The following USP47 variants were observed in gnomAD, a reference collection of about 807,000 sequenced individuals.
The protein encoded by USP47 is ubiquitin carboxyl-terminal hydrolase 47.
A neutral mutation model predicts 165.1 loss-of-function variants in USP47; 35 were observed. The observed-to-expected ratio is 0.21, with a 90% CI of 0.16 to 0.28. The LOEUF (loss-of-function observed/expected upper bound fraction) is 0.28. Ranked by LOEUF, USP47 falls within the 10% of genes least tolerant of loss-of-function variation. USP47 has a pLI of 1.00. For missense variants in USP47, 1,277 were observed against 1,607.4 expected, an observed-to-expected ratio of 0.79 and a Z score of 3.52; for synonymous variants, 531 against 544.5, an observed-to-expected ratio of 0.98 and a Z score of 0.35.
chr11:11,905,193 GTT>G (rs951567448), intron 7 of USP47, among the ~76,000 whole-genome samples: 3 of 149,616 alleles, frequency 2.0e-5, no homozygotes, highest in Admixed American at 6.6e-5. Flanking sequence ...TATTTGTGTT[GTT>G]TTGATTTTTT....
chr11:11,883,783 T>C (rs1564863516), intron 2 of USP47, among the ~76,000 whole-genome samples: 1 of 152,152 alleles, frequency 6.6e-6, no homozygotes, highest in Non-Finnish European at 1.5e-5. Flanking sequence ...TGCCCTACCA[T>C]ATAAGTTAGG....
intron 3 of USP47, among the ~76,000 whole-genome samples, chr11:11,885,890 GCTGCCATCT>G (rs558717426): frequency 9.2e-5 from 14 of 152,272 alleles, no homozygotes; most frequent in Admixed American, 9.2e-4. Context: ...GAAGGAGCAG[GCTGCCATCT>G]TTGCTGTTTC....
intron 7 of USP47, among the ~76,000 whole-genome samples, chr11:11,904,221 A>G (rs1852402826): frequency 6.6e-6 from 1 of 152,190 alleles, no homozygotes; most frequent in Admixed American, 6.5e-5. Context: ...TTTGAAAAAC[A>G]CTGGTTTGAA....
chr11:11,918,129 C>T (rs1198362220), intron 8 of USP47, among the ~76,000 whole-genome samples: 2 of 152,058 alleles, frequency 1.3e-5, no homozygotes, highest in Non-Finnish European at 2.9e-5. Flanking sequence ...TACATCATGG[C>T]CTGTGACTAT....
chr11:11,888,333 A>G (rs1851296398), intron 3 of USP47, among the ~76,000 whole-genome samples: 1 of 152,072 alleles, frequency 6.6e-6, no homozygotes. Context: ...GACTAATAAG[A>G]AAAGAGAAGA....
intron 8 of USP47, among the ~76,000 whole-genome samples, chr11:11,910,456 C>T (rs751223256): frequency 6.6e-6 from 1 of 152,106 alleles, no homozygotes; most frequent in Non-Finnish European, 1.5e-5. Context: ...CCAAACACCA[C>T]AGAAAGAAAA....
chr11:11,902,933 C>A, intron 6 of USP47, 73 bp downstream of exon 6: 2 of 1,400,064 alleles, frequency 1.4e-6, no homozygotes, highest in Non-Finnish European at 1.9e-6. Flanking sequence ...ATTACAAACA[C>A]ATTACACATA....
chr11:11,911,815 G>A (rs947893342), intron 8 of USP47, among the ~76,000 whole-genome samples: 6 of 151,976 alleles, frequency 3.9e-5, no homozygotes, highest in African/African-American at 1.2e-4. Context: ...TCCTTTTCAA[G>A]TATCCATTAA....
chr11:11,860,750 G>C (rs931076094), intron 1 of USP47, among the ~76,000 whole-genome samples: 3 of 152,128 alleles, frequency 2.0e-5, no homozygotes, highest in Non-Finnish European at 4.4e-5. Flanking sequence ...AGTAAAGGAC[G>C]TATTATTTCG....
chr11:11,947,563 G>A (rs1855924950), intron 20 of USP47, among the ~76,000 whole-genome samples: 1 of 152,188 alleles, frequency 6.6e-6, no homozygotes, highest in Non-Finnish European at 1.5e-5. Context: ...ATGGAGGTAC[G>A]GAGGCTGGCG....
chr11:11,842,391 G>A (rs1045424505), intron 1 of USP47, among the ~76,000 whole-genome samples, 167 bp downstream of exon 1: 2 of 151,948 alleles, frequency 1.3e-5, no homozygotes, highest in African/African-American at 4.8e-5. Flanking sequence ...CGAGCAGTTG[G>A]GAGACCCGCT....
At chr11:11,902,935 T>C in intron 6 of USP47, 75 bp downstream of exon 6, 1 of 1,383,558 alleles carries the variant, frequency 7.2e-7, no homozygotes, top group Non-Finnish European at 9.6e-7. Flanking sequence ...TACAAACACA[T>C]TACACATAAT....
intron 3 of USP47, chr11:11,884,794 G>A (rs986093458): frequency 3.5e-5 from 15 of 424,358 alleles, no homozygotes; most frequent in East Asian, 8.5e-5. Context: ...GTCTGTTGCC[G>A]CCTTGGATTT....
chr11:11,928,066 C>T (rs1369410053), intron 11 of USP47, among the ~76,000 whole-genome samples: 1 of 151,908 alleles, frequency 6.6e-6, no homozygotes, highest in Non-Finnish European at 1.5e-5. Flanking sequence ...ATTATGTTGG[C>T]TTTGATCATT....
rs1850231452 is a variant in USP47 at position 11,873,920 on chromosome 11, G to A, written c.40-6257G>A. On this transcript the variant is annotated intron_variant, in intron 1 of 27. Coordinates refer to ENST00000527733, the MANE Select transcript of USP47 (RefSeq NM_001282659.2). ...CAGCAGAGCAAGTAACAGCATGTTA[G>A]TATTTTTATTTAATATCAAGGCATG... 2.9e-6 allele frequency: 3 copies of A among 1,020,434 alleles called. No individual in the cohort carries two copies. In the South Asian group the frequency reaches 6.0e-5, roughly 20 times the overall value. The allele number at this position is 1,020,434 out of a possible 1,614,324, so 63.2% of individuals were successfully genotyped here. A position where few individuals can be genotyped will look rare whatever the true frequency, so the allele number is the denominator to read the frequency against.
At chr11:11,853,055 T>C (rs1848813988) in intron 1 of USP47, among the ~76,000 whole-genome samples, 2 of 152,292 alleles carry the variant, frequency 1.3e-5, no homozygotes, top group Admixed American at 1.3e-4. Flanking sequence ...TTTTTTGGAT[T>C]AGTCATATAG....
chr11:11,842,177 G>C lies in USP47; in HGVS notation c.-9G>C. ...CCGGCAGGGCGGAGAGGAGCGGCCG[G>C]AGTCAGCGATGGTGCCCGGCGAGGA... is the stretch of plus-strand genomic sequence containing the variant. On this transcript the variant is annotated 5_prime_UTR_variant, in exon 1 of 28. Transcript: ENST00000527733. The C allele has an allele frequency of 6.4e-7, 1 of 1,552,998 alleles. No homozygotes were observed. Among genetic ancestry groups the C allele is most frequent in the African/African-American group, 1.4e-5 (1 of 73,396 alleles).
chr11:11,942,745 G>A lies in USP47; in HGVS notation c.2724G>A (p.Gln908=), dbSNP rs552195741. ...SASVDNRELE[Q]HIQTSDPENF... ...CAGTGGATAATAGAGAACTTGAACA[G>A]CATATTCAGACTTCTGATCCAGAAA... is the stretch of plus-strand genomic sequence containing the variant. Residue 908 remains glutamine, a synonymous_variant, in exon 20 of 28, where the codon CAG becomes CAA. Coordinates refer to ENST00000527733, the MANE Select transcript of USP47 (RefSeq NM_001282659.2). 7 of 1,613,588 alleles carry A rather than the reference G, an allele frequency of 4.3e-6. No individual in the cohort carries two copies. In the Admixed American group the frequency reaches 1.2e-4, roughly 27 times the overall value.
chr11:11,882,355 T>G (rs1056112254), intron 2 of USP47, among the ~76,000 whole-genome samples: 6 of 152,192 alleles, frequency 3.9e-5, no homozygotes, highest in Non-Finnish European at 7.3e-5. Context: ...TTTAAGTTGG[T>G]CCCACAGGAG....
Sources: gnomAD v4.1 joint callset for allele counts (sites outside exome capture counted in the v4.1 genomes callset) on GRCh38, gnomAD v4.1.1 for gene constraint, MANE v1.5 for transcripts, NCBI Gene and HGNC (gene_info 2026-07-23, HGNC 2026-07-21) for gene names.